The following KLHL1 variants were observed in gnomAD, a reference collection of about 807,000 sequenced individuals.
The protein encoded by KLHL1 is kelch-like protein 1.
A neutral mutation model predicts 77.7 loss-of-function variants in KLHL1; 47 were observed. That is an observed-to-expected ratio of 0.60 (90% confidence interval 0.48 to 0.77). KLHL1 has a LOEUF of 0.77. Ranked by LOEUF, KLHL1 falls within the 30% of genes least tolerant of loss-of-function variation. The pLI, the probability that KLHL1 is intolerant of heterozygous loss-of-function variation, is 0.00. For synonymous variants in KLHL1, 360 were observed against 325.2 expected, an observed-to-expected ratio of 1.11 and a Z score of -1.15; for missense variants, 925 against 910.8, an observed-to-expected ratio of 1.02 and a Z score of -0.20.
intron 6 of KLHL1, among the ~76,000 whole-genome samples, chr13:69,809,542 A>G (rs1877772734): frequency 6.6e-6 from 1 of 152,172 alleles, no homozygotes; most frequent in Admixed American, 6.5e-5. Flanking sequence ...CGGCTCTATG[A>G]GAGATGCTTA....
chr13:69,980,029 T>C (rs1884662805), intron 1 of KLHL1, among the ~76,000 whole-genome samples: 1 of 152,186 alleles, frequency 6.6e-6, no homozygotes, highest in Admixed American at 6.5e-5. Context: ...AGCGTCTTTG[T>C]TGTGGCTATC....
intron 7 of KLHL1, among the ~76,000 whole-genome samples, chr13:69,784,884 T>C (rs1876432690): frequency 1.1e-5 from 1 of 94,300 alleles, no homozygotes; most frequent in African/African-American, 5.7e-5. Flanking sequence ...GAATATACAT[T>C]TTTTTTTTTT....
In KLHL1 at chr13:69,961,570, G is replaced by A. The variant is rs1566448931; in HGVS notation, c.681-126C>T. The A allele has an allele frequency of 4.0e-6, 4 of 997,896 alleles. No individual in the cohort carries two copies. The South Asian group carries it at 6.6e-5, about 17-fold the overall frequency. The allele number at this position is 997,896 out of a possible 1,614,324, so 61.8% of individuals were successfully genotyped here. A position where few individuals can be genotyped will look rare whatever the true frequency, so the allele number is the denominator to read the frequency against. ...AATCAATTAATGCATTTTATTTATT[G>A]CCTCATGAGTTGTACTTTACAAAAC... On this transcript the variant is annotated intron_variant, in intron 2 of 10. Coordinates refer to ENST00000377844, the MANE Select transcript of KLHL1 (RefSeq NM_020866.3).
chr13:69,995,330 G>T (rs1397816571), intron 1 of KLHL1, among the ~76,000 whole-genome samples: 1 of 151,992 alleles, frequency 6.6e-6, no homozygotes, highest in Admixed American at 6.6e-5. Flanking sequence ...TTGATCATGA[G>T]GTATGAATGT....
chr13:69,947,024 TGTGTTGTGTGTG>T (rs1204702405), intron 3 of KLHL1, among the ~76,000 whole-genome samples: 24 of 118,332 alleles, frequency 2.0e-4, no homozygotes, highest in Non-Finnish European at 3.4e-4. Context: ...ATTGTGTGTG[TGTGTTGTGTGTG>T]TGTGTGTGTG....
intron 1 of KLHL1, among the ~76,000 whole-genome samples, chr13:70,050,012 T>A (rs915113369): frequency 6.6e-6 from 1 of 151,954 alleles, no homozygotes; most frequent in African/African-American, 2.4e-5. Context: ...AAATTAATAA[T>A]GTAAAATACA....
chr13:70,026,764 CAGAG>C (rs1213393330), intron 1 of KLHL1, among the ~76,000 whole-genome samples: 1 of 134,078 alleles, frequency 7.5e-6, no homozygotes, highest in Admixed American at 7.2e-5. Flanking sequence ...GAGAGAGAGA[CAGAG>C]AGAGATAATG....
At chr13:69,772,510 AG>A in intron 7 of KLHL1, among the ~76,000 whole-genome samples, 1 of 152,282 alleles carries the variant, frequency 6.6e-6, no homozygotes, top group South Asian at 2.1e-4. Context: ...AAACAAATTA[AG>A]GCTGTTTATT....
In KLHL1 at chr13:70,086,590, A is replaced by AAAAGAAAG. The variant is rs869169817; in HGVS notation, c.497+20605_497+20612dup. Among the ~76,000 whole-genome samples, 80 of 85,782 alleles carry AAAAGAAAG rather than the reference A, an allele frequency of 9.3e-4. 1 individual carries two copies. The highest frequency in any genetic ancestry group is 3.6e-3 in the African/African-American group (76 of 20,904). The allele number at this position is 85,782 out of a possible 152,430, so 56.3% of individuals were successfully genotyped here. A position where few individuals can be genotyped will look rare whatever the true frequency, so the allele number is the denominator to read the frequency against. On this transcript the variant is annotated intron_variant, in intron 1 of 10. Coordinates refer to ENST00000377844, the MANE Select transcript of KLHL1 (RefSeq NM_020866.3). ...TCTGTCTCAAAAAAAAAAAAAAAAAAAAAGAAAGAAAGAAAGAAAGAAAGA... is the reference window on the plus strand; with the variant it reads ...TCTGTCTCAAAAAAAAAAAAAAAAAAAAAGAAAGAAAGAAAGAAAGAAAGAAAGAAAGA...
chr13:70,038,576 CA>C (rs1566522428), intron 1 of KLHL1, among the ~76,000 whole-genome samples: 5 of 106,298 alleles, frequency 4.7e-5, no homozygotes, highest in African/African-American at 1.6e-4. Flanking sequence ...TTGGGATTGT[CA>C]TTAATTTTTT....
chr13:69,744,520 A>C (rs1478542326), intron 7 of KLHL1, among the ~76,000 whole-genome samples: 3 of 150,590 alleles, frequency 2.0e-5, no homozygotes, highest in Non-Finnish European at 4.4e-5. Context: ...ACAATATATA[A>C]ATACATATTA....
chr13:69,879,542 T>C (rs939326628), intron 5 of KLHL1, among the ~76,000 whole-genome samples: 2 of 152,172 alleles, frequency 1.3e-5, no homozygotes, highest in African/African-American at 4.8e-5. Context: ...AAAAAAAGCA[T>C]GGACAAACCT....
At chr13:69,842,526 G>A (rs78481789) in intron 5 of KLHL1, among the ~76,000 whole-genome samples, 12,288 of 151,616 alleles carry the variant, frequency 0.081, 933 homozygotes, top group African/African-American at 0.2. Context: ...GACTATTTAA[G>A]AAGACAAAAA....
chr13:69,852,462 G>A (rs1991077), intron 5 of KLHL1, among the ~76,000 whole-genome samples: 7,212 of 151,976 alleles, frequency 0.047, 248 homozygotes, highest in African/African-American at 0.088. Flanking sequence ...CAATAATGAC[G>A]TGGACCTAGT....
chr13:69,845,130 A>G (rs1879409727), intron 5 of KLHL1, among the ~76,000 whole-genome samples: 1 of 151,664 alleles, frequency 6.6e-6, no homozygotes, highest in African/African-American at 2.4e-5. Flanking sequence ...ACCACAGTGC[A>G]AAGGCTGCTT....
At chr13:69,961,486 G>A (rs1884064009) in intron 2 of KLHL1, 42 bp from the exon 3 acceptor site, 1 of 1,607,790 alleles carries the variant, frequency 6.2e-7, no homozygotes, top group East Asian at 2.2e-5. Flanking sequence ...TGAATGTAAG[G>A]CAGAAAATCA....
At chr13:69,719,625 G>A (rs1362042606) in intron 8 of KLHL1, 44 bp from the exon 9 acceptor site, 1 of 1,483,044 alleles carries the variant, frequency 6.7e-7, no homozygotes, top group Non-Finnish European at 9.4e-7. Context: ...TCATAGTCTG[G>A]ATGACAAAAT....
At chr13:69,881,171 T>C (rs1186592558) in intron 5 of KLHL1, among the ~76,000 whole-genome samples, 1 of 152,178 alleles carries the variant, frequency 6.6e-6, no homozygotes, top group Non-Finnish European at 1.5e-5. Context: ...TTTTTTCTCC[T>C]GTACTAATCT....
At chr13:69,916,381 AC>A (rs750139129) in intron 4 of KLHL1, among the ~76,000 whole-genome samples, 11 of 152,126 alleles carry the variant, frequency 7.2e-5, no homozygotes, top group African/African-American at 2.4e-4. Context: ...AAAATGTGGC[AC>A]ATATACACCA....
Sources: gnomAD v4.1 joint callset for allele counts (sites outside exome capture counted in the v4.1 genomes callset) on GRCh38, gnomAD v4.1.1 for gene constraint, MANE v1.5 for transcripts, NCBI Gene and HGNC (gene_info 2026-07-23, HGNC 2026-07-21) for gene names.